FBXO36: variants seen among roughly 807,000 people sequenced by gnomAD.
FBXO36 encodes F-box protein 36, also known as F-box only protein 36.
A neutral mutation model predicts 17.0 loss-of-function variants in FBXO36; 18 were observed. That is an observed-to-expected ratio of 1.06 (90% CI 0.73 to 1.57). The LOEUF (loss-of-function observed/expected upper bound fraction) is 1.57. Ranked by LOEUF, FBXO36 falls within the 40% of genes most tolerant of loss-of-function variation. The pLI, the probability that FBXO36 is intolerant of heterozygous loss-of-function variation, is 0.00. For synonymous variants in FBXO36, 83 were observed against 85.3 expected, an observed-to-expected ratio of 0.97 and a Z score of 0.15; for missense variants, 229 against 221.9, an observed-to-expected ratio of 1.03 and a Z score of -0.20.
At chr2:229,945,498 A>G (rs1314939945) in intron 1 of FBXO36, among the ~76,000 whole-genome samples, 1 of 151,632 alleles carries the variant, frequency 6.6e-6, no homozygotes, top group Non-Finnish European at 1.5e-5. Flanking sequence ...ATAGAGACGC[A>G]TTTCACCATG....
intron 2 of FBXO36, among the ~76,000 whole-genome samples, chr2:229,982,705 G>T (rs1416479311): frequency 6.6e-6 from 1 of 151,192 alleles, no homozygotes; most frequent in Non-Finnish European, 1.5e-5. Context: ...TACTTGGGAG[G>T]CTGAGGGAGG....
At chr2:229,931,050 TTTAAG>T (rs1389059743) in intron 1 of FBXO36, among the ~76,000 whole-genome samples, 1 of 152,216 alleles carries the variant, frequency 6.6e-6, no homozygotes, top group Non-Finnish European at 1.5e-5. Flanking sequence ...ATCTGCCCAA[TTTAAG>T]TTGTGAAATC....
rs530905282 is a variant in FBXO36, at chr2:229,963,321, C to T, written c.97-12920C>T. On this transcript the variant is annotated intron_variant, in intron 1 of 3. Coordinates refer to ENST00000283946, the MANE Select transcript of FBXO36 (RefSeq NM_174899.5). ...CCTCGTGATCCGCCCACCTCGGCCTCCCAAAGTGCTGGGATTACAGATGTG... is the reference window on the plus strand; with the variant it reads ...CCTCGTGATCCGCCCACCTCGGCCTTCCAAAGTGCTGGGATTACAGATGTG... Among the ~76,000 whole-genome samples the T allele has an allele frequency of 2.0e-3, 303 of 152,216 alleles. 1 individual carries two copies. The Middle Eastern group carries it at 0.02, about 10-fold the overall frequency.
At chr2:229,963,590 G>C (rs935308568) in intron 1 of FBXO36, among the ~76,000 whole-genome samples, 21 of 151,668 alleles carry the variant, frequency 1.4e-4, no homozygotes, top group South Asian at 4.2e-4. Flanking sequence ...GACTACAGGC[G>C]CCCGCCACCA....
intron 1 of FBXO36, among the ~76,000 whole-genome samples, chr2:229,923,844 G>GTTTTTTTT (rs2076875244): frequency 8.4e-6 from 1 of 119,354 alleles, no homozygotes. Flanking sequence ...TTTTTTTGGT[G>GTTTTTTTT]TTGTTTTTTT....
intron 2 of FBXO36, among the ~76,000 whole-genome samples, chr2:229,990,959 C>T (rs1253719634): frequency 3.3e-5 from 5 of 151,710 alleles, no homozygotes; most frequent in African/African-American, 1.2e-4. Context: ...TCCCCCGCCC[C>T]GAGTTGGGAG....
intron 1 of FBXO36, among the ~76,000 whole-genome samples, chr2:229,931,382 G>T (rs962314269): frequency 1.2e-4 from 19 of 152,140 alleles, no homozygotes; most frequent in African/African-American, 4.6e-4. Flanking sequence ...TGGGGCAGTA[G>T]AGCACTTAAT....
rs994261408 is a variant in FBXO36 at position 229,968,349 on chromosome 2, T to G, written c.97-7892T>G. Among the ~76,000 whole-genome samples the G allele has an allele frequency of 2.5e-4, 38 of 152,310 alleles. 1 individual carries two copies. Among genetic ancestry groups the G allele is most frequent in the African/African-American group, 8.2e-4 (34 of 41,588 alleles). On this transcript the variant is annotated intron_variant, in intron 1 of 3. Coordinates refer to ENST00000283946, the MANE Select transcript of FBXO36 (RefSeq NM_174899.5). ...CTTATTTTCATTGTACTTTGATTGTTTAATTATACATTTGACAAATTAAAA... is the reference window on the plus strand; with the variant it reads ...CTTATTTTCATTGTACTTTGATTGTGTAATTATACATTTGACAAATTAAAA...
rs558906849 is a variant in FBXO36 at position 229,948,619 on chromosome 2, G to C, written c.96+26010G>C. ...CCAAGGGAATGGCAGTGGAAGGGGT[G>C]ACTGTGACTACACAGAAGAGTCTGT... On this transcript the variant is annotated intron_variant, in intron 1 of 3. Transcript: ENST00000283946. Among the ~76,000 whole-genome samples the C allele has an allele frequency of 2.0e-5, 3 of 151,948 alleles. No individual in the cohort carries two copies. In the South Asian group the frequency reaches 6.2e-4, roughly 32 times the overall value.
chr2:230,004,461 A>G (rs1312167655), intron 3 of FBXO36, among the ~76,000 whole-genome samples: 1 of 152,210 alleles, frequency 6.6e-6, no homozygotes, highest in East Asian at 1.9e-4. Context: ...CCTTGTATAT[A>G]AACTAAAAAG....
At chr2:229,964,264 T>TA (rs1450116254) in intron 1 of FBXO36, among the ~76,000 whole-genome samples, 6 of 152,296 alleles carry the variant, frequency 3.9e-5, no homozygotes, top group African/African-American at 1.4e-4. Context: ...GGCATGAATT[T>TA]AAAAAAATGT....
rs534652495 is a variant in FBXO36 at position 229,923,472 on chromosome 2, A to C, written c.96+863A>C. On this transcript the variant is annotated intron_variant, in intron 1 of 3. Coordinates refer to ENST00000283946, the MANE Select transcript of FBXO36 (RefSeq NM_174899.5). ...CCCTTTCAATAGATACTATTCCTAT[A>C]AAATGAAATTTAGAAGTTTGTATAT... Among the ~76,000 whole-genome samples the C allele has an allele frequency of 5.3e-5, 8 of 152,330 alleles. No homozygotes were observed. In the South Asian group the frequency reaches 1.2e-3, roughly 24 times the overall value.
At chr2:229,939,235 C>G (rs1477794404) in intron 1 of FBXO36, 1 of 985,100 alleles carries the variant, frequency 1.0e-6, no homozygotes, top group African/African-American at 1.7e-5. Context: ...ATACAACTTT[C>G]TACCTCGTAA....
chr2:229,931,538 C>T, intron 1 of FBXO36, among the ~76,000 whole-genome samples: 1 of 152,146 alleles, frequency 6.6e-6, no homozygotes, highest in Non-Finnish European at 1.5e-5. Flanking sequence ...AGCTTTATCC[C>T]AACTCTAAAA....
intron 2 of FBXO36, among the ~76,000 whole-genome samples, chr2:229,990,021 A>C (rs2077290423): frequency 6.6e-6 from 1 of 151,700 alleles, no homozygotes; most frequent in Admixed American, 6.6e-5. Flanking sequence ...TTGTAGAGCA[A>C]ACTCCCTGGG....
chr2:229,964,297 T>C (rs1433894448), intron 1 of FBXO36, among the ~76,000 whole-genome samples: 2 of 152,240 alleles, frequency 1.3e-5, no homozygotes, highest in Non-Finnish European at 1.5e-5. Context: ...ATTATCAAGA[T>C]ACAGACTATT....
chr2:229,964,761 C>T (rs2077142222), intron 1 of FBXO36, among the ~76,000 whole-genome samples: 1 of 152,196 alleles, frequency 6.6e-6, no homozygotes, highest in African/African-American at 2.4e-5. Context: ...CCTCGTGATC[C>T]TTCCGCCTCG....
At chr2:229,956,408 T>A (rs777739088) in intron 1 of FBXO36, among the ~76,000 whole-genome samples, 2 of 152,088 alleles carry the variant, frequency 1.3e-5, no homozygotes, top group African/African-American at 2.4e-5. Context: ...GTAAACAGAT[T>A]AACAATAGAA....
chr2:229,953,891 A>G (rs900095804), intron 1 of FBXO36, among the ~76,000 whole-genome samples: 2 of 152,086 alleles, frequency 1.3e-5, no homozygotes, highest in Non-Finnish European at 2.9e-5. Context: ...TTTTAAAGAC[A>G]GAGTCCATTC....
Sources: allele counts gnomAD v4.1 joint callset (sites outside exome capture counted in the v4.1 genomes callset), GRCh38; gene constraint gnomAD v4.1.1; transcripts MANE v1.5; gene names NCBI Gene and HGNC (gene_info 2026-07-23, HGNC 2026-07-21).